PSG6: variants seen among roughly 807,000 people sequenced by gnomAD.
PSG6 encodes pregnancy specific beta-1-glycoprotein 6.
A neutral mutation model predicts 43.3 loss-of-function variants in PSG6; 51 were observed. That is an observed-to-expected ratio of 1.18 (90% CI 0.94 to 1.49). PSG6 has a LOEUF of 1.49. PSG6 is among the 40% of genes most tolerant of loss of function. The pLI, the probability that PSG6 is intolerant of heterozygous loss-of-function variation, is 0.00. For missense variants in PSG6, 770 were observed against 522.2 expected, an observed-to-expected ratio of 1.47 and a Z score of -4.62; for synonymous variants, 292 against 197.6, an observed-to-expected ratio of 1.48 and a Z score of -4.01.
chr19:42,904,098 T>C (rs1972077108), intron 5 of PSG6, among the ~76,000 whole-genome samples: 1 of 151,590 alleles, frequency 6.6e-6, no homozygotes, highest in African/African-American at 2.4e-5. Context: ...AAGCATTTGA[T>C]GAAATTCAGT....
At chr19:42,910,983 G>A (rs1194567298) in intron 2 of PSG6, 125 bp from the exon 3 acceptor site, 2 of 1,497,574 alleles carry the variant, frequency 1.3e-6, no homozygotes, top group African/African-American at 1.4e-5. Flanking sequence ...CCCATGGCAG[G>A]TGTGTGTGTT....
Position 42,915,974 on chromosome 19 carries a change from C to T in PSG6, c.427+151G>A. 6.0e-6 allele frequency: 8 copies of T among 1,324,716 alleles called. 1 individual carries two copies. The highest frequency in any genetic ancestry group is 4.0e-5 in the Admixed American group (2 of 50,232). 82.1% of individuals were successfully genotyped at this position (1,324,716 alleles called of 1,614,324 possible). On this transcript the variant is annotated intron_variant, in intron 2 of 5. Transcript: ENST00000187910. ...TCTGATCTGTTGAAATGTGTCTCCT[C>T]TGTGTGTGTCCTGCACTAAATGCCC...
At position 42,902,585 on chromosome 19, in the gene PSG6, A is replaced by G. The variant is rs1335885572; in HGVS notation, c.1241-139T>C. 4 of 1,223,124 alleles carry G rather than the reference A, an allele frequency of 3.3e-6. No homozygotes were observed. The African/African-American group carries it at 4.5e-5, about 14-fold the overall frequency. The allele number at this position is 1,223,124 out of a possible 1,614,324, so 75.8% of individuals were successfully genotyped here. A position where few individuals can be genotyped will look rare whatever the true frequency, so the allele number is the denominator to read the frequency against. ...AGGCTCTCTTTAACTCCAATGGGTG[A>G]CTGGTTGGAGGATTCCTCATCAGCC... is the stretch of plus-strand genomic sequence containing the variant. On this transcript the variant is annotated intron_variant, in intron 5 of 5. Coordinates refer to ENST00000187910, the MANE Select transcript of PSG6 (RefSeq NM_001031850.4).
At chr19:42,907,477 T>A (rs971182911) in intron 4 of PSG6, 99 bp downstream of exon 4, 8 of 1,561,876 alleles carry the variant, frequency 5.1e-6, no homozygotes, top group African/African-American at 2.8e-5. Context: ...AGAAGTAAAG[T>A]TGTCTATACT....
intron 4 of PSG6, among the ~76,000 whole-genome samples, 153 bp downstream of exon 4, chr19:42,907,423 C>A (rs568591723): frequency 6.6e-6 from 1 of 151,924 alleles, no homozygotes; most frequent in East Asian, 1.9e-4. Context: ...CTGTGCCTAC[C>A]CAGGATTTCC....
chr19:42,908,020 G>C, intron 3 of PSG6, 166 bp from the exon 4 acceptor site: 1 of 1,134,620 alleles, frequency 8.8e-7, no homozygotes, highest in Non-Finnish European at 1.2e-6. Context: ...AGGGCTCAAA[G>C]ACTGTGAGGC....
Position 42,907,088 on chromosome 19 carries a change from G to T in PSG6, c.1074C>A (p.Asn358Lys). The T allele has an allele frequency of 6.2e-7, 1 of 1,612,720 alleles. No individual in the cohort carries two copies. The highest frequency in any genetic ancestry group is 1.3e-5 in the African/African-American group (1 of 74,858). ...NLDLSCFADS[N>K]PPAEYSWTIN... ...TTGTCCAAGAATACTCTGCCGGTGGGTTAGAGTCCGCAAAGCAGGACAAGT... is the reference window on the plus strand; with the variant it reads ...TTGTCCAAGAATACTCTGCCGGTGGTTTAGAGTCCGCAAAGCAGGACAAGT... Residue 358 changes from asparagine to lysine, a missense_variant, in exon 5 of 6, where the codon AAC (asparagine) becomes AAA (lysine). By Grantham distance (94) the Asn-to-Lys change is moderately conservative. Transcript: ENST00000187910.
intron 3 of PSG6, among the ~76,000 whole-genome samples, chr19:42,908,946 C>T (rs756688893): frequency 6.6e-6 from 1 of 151,500 alleles, no homozygotes; most frequent in Non-Finnish European, 1.5e-5. Flanking sequence ...TTCAGTTATA[C>T]AAGTTGGAGA....
intron 2 of PSG6, among the ~76,000 whole-genome samples, chr19:42,911,182 C>A (rs1169134866): frequency 1.3e-5 from 2 of 151,592 alleles, no homozygotes; most frequent in Non-Finnish European, 2.9e-5. Flanking sequence ...GCCTGGCCCA[C>A]CTTTTGGTCC....
Position 42,916,427 on chromosome 19 carries a change from G to T in PSG6, c.125C>A (p.Pro42Gln). ...ATCCTTCCCCTCGGAAACTTTGGGT[G>T]GCTTGGCTTCAATTATTACTTGGGC... ...TTAQVIIEAK[P>Q]PKVSEGKDVL... Residue 42 changes from proline to glutamine, a missense_variant, in exon 2 of 6, where the codon CCA becomes CAA. Coordinates refer to ENST00000187910, the MANE Select transcript of PSG6 (RefSeq NM_001031850.4). 1 of 1,612,002 alleles carries T rather than the reference G, an allele frequency of 6.2e-7. No individual in the cohort carries two copies. Among genetic ancestry groups the T allele is most frequent in the Non-Finnish European group, 8.5e-7 (1 of 1,179,060 alleles).
At position 42,917,399 on chromosome 19, in the gene PSG6, T is replaced by C. The variant is rs1972358147; in HGVS notation, c.64+330A>G. On this transcript the variant is annotated intron_variant, in intron 1 of 5. Coordinates refer to ENST00000187910, the MANE Select transcript of PSG6 (RefSeq NM_001031850.4). ...TTTTTTTTGAAATGGAGTCTCGTAC[T>C]GTCACCCAGGCTGGCGTGCAGTGGT... 2.1e-5 allele frequency among the ~76,000 whole-genome samples: 3 copies of C among 146,204 alleles called. No homozygotes were observed. In the Admixed American group the frequency reaches 2.1e-4, roughly 10 times the overall value.
intron 5 of PSG6, among the ~76,000 whole-genome samples, chr19:42,905,169 A>T (rs1972092476): frequency 6.6e-6 from 1 of 151,710 alleles, no homozygotes; most frequent in Non-Finnish European, 1.5e-5. Flanking sequence ...TAAAAACTAT[A>T]CAACTCTTAG....
At chr19:42,910,497 C>A (rs759199236) in intron 3 of PSG6, 83 bp downstream of exon 3, 5 of 1,612,044 alleles carry the variant, frequency 3.1e-6, no homozygotes. Flanking sequence ...GTACTTGGAC[C>A]TGAGAGGGAC....
At position 42,907,794 on chromosome 19, in the gene PSG6, A is replaced by C. The variant is rs772505661; in HGVS notation, c.767T>G (p.Val256Gly). 1 of 1,611,276 alleles carries C rather than the reference A, an allele frequency of 6.2e-7. No homozygotes were observed. The highest frequency in any genetic ancestry group is 8.5e-7 in the Non-Finnish European group (1 of 1,179,060). The change falls in exon 4 of 6, where the codon GTG becomes GGG. Residue 256 changes from valine (V) to glycine (G), a missense_variant. Transcript: ENST00000187910. ...NNLNPREKKD[V>G]LAFTCEPKSR... is the part of the protein sequence containing the mutation. ...CTTAGGTTCACAGGTGAAGGCTAACACATCCTTCTTCTCCCTGGGGTTTAA... is the reference window on the plus strand; with the variant it reads ...CTTAGGTTCACAGGTGAAGGCTAACCCATCCTTCTTCTCCCTGGGGTTTAA...
chr19:42,906,903 G>C lies in PSG6; in HGVS notation c.1240+19C>G, dbSNP rs769881464. The stretch of plus-strand genomic sequence containing the variant: ...CTCCACCTAAAACCCTATTGCCAAG[G>C]ATGCTGGGATCCACTTACCAGAGAC... On this transcript the variant is annotated intron_variant, in intron 5 of 5. Transcript: ENST00000187910. 2.4e-5 allele frequency: 39 copies of C among 1,612,092 alleles called. No homozygotes were observed. The highest frequency in any genetic ancestry group is 3.1e-5 in the Non-Finnish European group (37 of 1,179,030).
intron 2 of PSG6, among the ~76,000 whole-genome samples, chr19:42,912,592 T>C (rs1972248085): frequency 6.6e-6 from 1 of 151,826 alleles, no homozygotes; most frequent in Admixed American, 6.6e-5. Context: ...AAGTGATGTG[T>C]GTTATGTTAG....
chr19:42,906,611 G>A, intron 5 of PSG6: 1 of 1,358,196 alleles, frequency 7.4e-7, no homozygotes, highest in Non-Finnish European at 9.7e-7. Flanking sequence ...GTGACAGCGA[G>A]AAGCAACTTG....
At position 42,907,608 on chromosome 19, in the gene PSG6, A is replaced by G. The variant is rs188893610; in HGVS notation, c.953T>C (p.Ile318Thr). The G allele has an allele frequency of 1.1e-5, 17 of 1,611,972 alleles. No individual in the cohort carries two copies. Among genetic ancestry groups the G allele is most frequent in the Admixed American group, 5.0e-5 (3 of 59,916 alleles). ...ATTCAGGGTGACTGGGTTACTGCGG[A>G]TGCCACCATATCGGTCCCGTATTTC... ...QCEIRDRYGG[I>T]RSNPVTLNVL... The change falls in exon 4 of 6, where the codon ATC becomes ACC. Residue 318 changes from isoleucine (I) to threonine (T), a missense_variant. Transcript: ENST00000187910.
rs548249363 is a variant in PSG6, at chr19:42,908,341, C to T, written c.707-487G>A. On this transcript the variant is annotated intron_variant, in intron 3 of 5. Coordinates refer to ENST00000187910, the MANE Select transcript of PSG6 (RefSeq NM_001031850.4). Reference sequence around the variant, plus strand: ...CTGAAACCCTGCAGATACTGAGCAGCCTGGCCTGGGACTGGATGTTTCAGC... The same window carrying T: ...CTGAAACCCTGCAGATACTGAGCAGTCTGGCCTGGGACTGGATGTTTCAGC... Among the ~76,000 whole-genome samples, 1,159 of 151,836 alleles carry T rather than the reference C, an allele frequency of 7.6e-3. 31 individuals are homozygous for T. The highest frequency in any genetic ancestry group is 0.026 in the African/African-American group (1,086 of 41,402).
Sources: allele counts gnomAD v4.1 joint callset (sites outside exome capture counted in the v4.1 genomes callset), GRCh38; gene constraint gnomAD v4.1.1; transcripts MANE v1.5; gene names NCBI Gene and HGNC (gene_info 2026-07-23, HGNC 2026-07-21).